LARGE1: variants seen among roughly 807,000 people sequenced by gnomAD.
The protein encoded by LARGE1 is xylosyl- and glucuronyltransferase LARGE1.
A neutral mutation model predicts 87.6 loss-of-function variants in LARGE1; 43 were observed. The ratio of observed to expected loss-of-function variants is 0.49; its 90% CI spans 0.38 to 0.63. LARGE1 has a LOEUF of 0.63. Among genes scored for constraint, LARGE1 ranks in the 30% least tolerant of loss-of-function variants. The pLI, the probability that LARGE1 is intolerant of heterozygous loss-of-function variation, is 0.00. For missense variants in LARGE1, 802 were observed against 1,000.2 expected (o/e 0.80, Z 2.67); for synonymous variants, 434 against 394.6 (o/e 1.10, Z -1.18).
At chr22:33,863,096 C>T (rs1321981571) in intron 1 of LARGE1, among the ~76,000 whole-genome samples, 1 of 152,214 alleles carries the variant, frequency 6.6e-6, no homozygotes, top group Non-Finnish European at 1.5e-5. Flanking sequence ...ACCGTTCCCA[C>T]TTCTCACACA....
chr22:33,567,788 G>C (rs1220180509), intron 5 of LARGE1, among the ~76,000 whole-genome samples: 1 of 152,070 alleles, frequency 6.6e-6, no homozygotes, highest in Non-Finnish European at 1.5e-5. Flanking sequence ...GGAGACCCCA[G>C]TGTCTATTAT....
intron 1 of LARGE1, among the ~76,000 whole-genome samples, chr22:33,766,919 T>C (rs866571577): frequency 0.03 from 122 of 4,012 alleles, no homozygotes; most frequent in African/African-American, 0.18. Flanking sequence ...TATACATATA[T>C]ATATATATAT....
intron 1 of LARGE1, among the ~76,000 whole-genome samples, chr22:33,838,199 T>A (rs566213506): frequency 2.6e-4 from 40 of 152,328 alleles, no homozygotes; most frequent in African/African-American, 8.7e-4. Flanking sequence ...GAATGCAGAC[T>A]CTTGCTCTCA....
intron 2 of LARGE1, among the ~76,000 whole-genome samples, chr22:33,740,790 C>A (rs974101367): frequency 1.3e-5 from 2 of 152,170 alleles, no homozygotes; most frequent in African/African-American, 4.8e-5. Flanking sequence ...CTCAAAGGTG[C>A]GCCATTAAAT....
At chr22:33,596,919 C>T (rs1452547027) in intron 5 of LARGE1, among the ~76,000 whole-genome samples, 1 of 152,208 alleles carries the variant, frequency 6.6e-6, no homozygotes, top group Non-Finnish European at 1.5e-5. Context: ...CTGTCCATTG[C>T]TCTGGGTATT....
chr22:33,617,555 C>T (rs1412032776), intron 4 of LARGE1, among the ~76,000 whole-genome samples: 2 of 152,176 alleles, frequency 1.3e-5, no homozygotes, highest in African/African-American at 4.8e-5. Context: ...CTAAAATAGT[C>T]TTTTATGCCA....
intron 7 of LARGE1, among the ~76,000 whole-genome samples, chr22:33,393,776 G>A (rs535825735): frequency 3.3e-5 from 5 of 152,252 alleles, no homozygotes; most frequent in African/African-American, 7.2e-5. Context: ...GACAAGGACT[G>A]TCAAGGGAGC....
intron 5 of LARGE1, among the ~76,000 whole-genome samples, chr22:33,598,423 T>C (rs2079033888): frequency 1.3e-5 from 2 of 152,204 alleles, no homozygotes; most frequent in Non-Finnish European, 2.9e-5. Flanking sequence ...GTGTAGACCA[T>C]ACAGTTTTGT....
At chr22:33,403,341 G>A (rs1364195264) in intron 7 of LARGE1, among the ~76,000 whole-genome samples, 1 of 152,186 alleles carries the variant, frequency 6.6e-6, no homozygotes, top group Non-Finnish European at 1.5e-5. Context: ...TCCTAGTGCA[G>A]AAGAGGGGCT....
chr22:33,874,476 A>G (rs1167667321), intron 1 of LARGE1, among the ~76,000 whole-genome samples: 1 of 152,222 alleles, frequency 6.6e-6, no homozygotes, highest in Non-Finnish European at 1.5e-5. Context: ...GAAACGGAGC[A>G]ATTTGCTCAA....
At chr22:33,662,111 T>G (rs1340863471) in intron 2 of LARGE1, among the ~76,000 whole-genome samples, 1 of 138,110 alleles carries the variant, frequency 7.2e-6, no homozygotes, top group African/African-American at 2.7e-5. Flanking sequence ...GAAAAGAATC[T>G]CATAGTGTTT....
intron 11 of LARGE1, among the ~76,000 whole-genome samples, chr22:33,183,779 G>A (rs72620418): frequency 0.14 from 22,005 of 151,864 alleles, 1,651 homozygotes; most frequent in East Asian, 0.21. Context: ...TATGAAAGAC[G>A]GGTTCTATTT....
Position 33,761,388 on chromosome 22 carries a change from A to G in LARGE1, c.89T>C (p.Phe30Ser). Residue 30 changes from phenylalanine to serine, a missense_variant, in exon 2 of 15, where the codon TTT becomes TCT. Phe to Ser is a radical substitution (Grantham distance 155, BLOSUM62 -2). Coordinates refer to ENST00000397394, the MANE Select transcript of LARGE1 (RefSeq NM_133642.5). The stretch of plus-strand genomic sequence containing the variant: ...ATTCTTACCTTCGAAGCTCCCAGAA[A>G]ACAGGTAAATCCAGGTGATGGCTGG... ...CIPAITWIYL[F>S]SGSFEDGKPV... 6.2e-7 allele frequency: 1 copy of G among 1,613,924 alleles called. No homozygotes were observed. The highest frequency in any genetic ancestry group is 1.1e-5 in the South Asian group (1 of 91,080).
rs200628051 is a variant in LARGE1 at position 33,414,605 on chromosome 22, T to C, written c.892+17556A>G. On this transcript the variant is annotated intron_variant, in intron 7 of 14. Transcript: ENST00000397394. ...TAATGTCATAGCTCTATGGCATCTG[T>C]AGCCTTTTATCTTATCAACAAGATC... Among the ~76,000 whole-genome samples the C allele has an allele frequency of 7.2e-5, 11 of 152,322 alleles. No homozygotes were observed. The East Asian group carries it at 1.5e-3, about 21-fold the overall frequency.
chr22:33,915,269 C>T (rs1345030536), intron 1 of LARGE1, among the ~76,000 whole-genome samples: 1 of 152,164 alleles, frequency 6.6e-6, no homozygotes, highest in Non-Finnish European at 1.5e-5. Flanking sequence ...TGCCCACCTA[C>T]CCTCCCATTC....
In LARGE1 at chr22:33,624,980, C is replaced by G. The variant is rs1051155862; in HGVS notation, c.491+1264G>C. 2.6e-5 allele frequency among the ~76,000 whole-genome samples: 4 copies of G among 152,278 alleles called. No individual in the cohort carries two copies. In the South Asian group the frequency reaches 8.3e-4, roughly 32 times the overall value. ...GACAGAGAGAAGGTAGAACCAATGA[C>G]GAATCCCAGTTCCTTGCAGGGTTGG... On this transcript the variant is annotated intron_variant, in intron 4 of 14. Transcript: ENST00000397394.
chr22:33,324,261 C>CAAAAACAA (rs1937032916), intron 10 of LARGE1, among the ~76,000 whole-genome samples: 1 of 94,638 alleles, frequency 1.1e-5, no homozygotes, highest in Non-Finnish European at 1.8e-5. Context: ...AAAAAAAAGC[C>CAAAAACAA]AAAAAAACAA....
chr22:33,088,630 C>T, the LARGE1 span, among the ~76,000 whole-genome samples: 1 of 151,996 alleles, frequency 6.6e-6, no homozygotes, highest in Non-Finnish European at 1.5e-5. Flanking sequence ...AGAGAGATGT[C>T]CCACTATTAG....
chr22:33,906,086 C>T (rs1281876814), intron 1 of LARGE1, among the ~76,000 whole-genome samples: 3 of 152,092 alleles, frequency 2.0e-5, no homozygotes, highest in Non-Finnish European at 2.9e-5. Flanking sequence ...GCCGAGATTG[C>T]GCCACTGCAC....
Sources: allele counts gnomAD v4.1 joint callset (sites outside exome capture counted in the v4.1 genomes callset), GRCh38; gene constraint gnomAD v4.1.1; transcripts MANE v1.5; gene names NCBI Gene and HGNC (gene_info 2026-07-23, HGNC 2026-07-21).